Variants in RPS6KC1 observed in about 807,000 individuals in gnomAD.
RPS6KC1 encodes the protein ribosomal protein S6 kinase C1.
Under a neutral mutation model 103.8 loss-of-function variants are expected in RPS6KC1, and 54 were observed. That is an observed-to-expected ratio of 0.52 (90% CI 0.42 to 0.65). The LOEUF is 0.65. Among genes scored for constraint, RPS6KC1 ranks in the 30% least tolerant of loss-of-function variants. RPS6KC1 has a pLI of 0.00. For missense variants in RPS6KC1, 1,151 were observed against 1,253.8 expected (o/e 0.92, Z 1.24); for synonymous variants, 439 against 438.7 (o/e 1.00, Z -0.01).
the RPS6KC1 span, among the ~76,000 whole-genome samples, chr1:213,491,929 A>G: frequency 1.3e-5 from 2 of 152,122 alleles, no homozygotes; most frequent in Admixed American, 6.5e-5. Context: ...TGGAAACACT[A>G]TATATAAACT....
At chr1:213,057,752 CTTTTTTT>C (rs869259657) in intron 1 of RPS6KC1, among the ~76,000 whole-genome samples, 10 of 73,700 alleles carry the variant, frequency 1.4e-4, no homozygotes, top group East Asian at 4.9e-4. Flanking sequence ...TCTGAAGTAT[CTTTTTTT>C]TTTTTTTTTT....
At chr1:213,631,656 C>G in the RPS6KC1 span, among the ~76,000 whole-genome samples, 2 of 152,206 alleles carry the variant, frequency 1.3e-5, no homozygotes, top group South Asian at 4.1e-4. Context: ...CCAATTTAAT[C>G]TTCCACCAGT....
At chr1:213,565,057 T>G in the RPS6KC1 span, among the ~76,000 whole-genome samples, 2 of 152,206 alleles carry the variant, frequency 1.3e-5, no homozygotes, top group African/African-American at 4.8e-5. Context: ...ATGAAAAACA[T>G]TTAAATTAAA....
intron 8 of RPS6KC1, among the ~76,000 whole-genome samples, chr1:213,221,613 C>G (rs1286414617): frequency 6.6e-6 from 1 of 152,136 alleles, no homozygotes; most frequent in Non-Finnish European, 1.5e-5. Flanking sequence ...AATTAGCATA[C>G]TAAAACCTTT....
the RPS6KC1 span, among the ~76,000 whole-genome samples, chr1:213,576,540 A>G: frequency 2.0e-5 from 3 of 152,042 alleles, no homozygotes; most frequent in Non-Finnish European, 4.4e-5. Flanking sequence ...CAGTTTTGAT[A>G]TTACTATTGT....
At chr1:213,521,492 T>C in the RPS6KC1 span, among the ~76,000 whole-genome samples, 1 of 152,190 alleles carries the variant, frequency 6.6e-6, no homozygotes, top group Non-Finnish European at 1.5e-5. Flanking sequence ...CTTCGTAAGA[T>C]AAGGTAATAA....
the RPS6KC1 span, among the ~76,000 whole-genome samples, chr1:213,746,249 C>A: frequency 6.6e-6 from 1 of 152,226 alleles, no homozygotes; most frequent in Non-Finnish European, 1.5e-5. Flanking sequence ...GAATGCTCTA[C>A]AACTTGTCAG....
intron 10 of RPS6KC1, among the ~76,000 whole-genome samples, chr1:213,235,116 T>C (rs1427019271): frequency 6.6e-6 from 1 of 152,226 alleles, no homozygotes; most frequent in Non-Finnish European, 1.5e-5. Flanking sequence ...AAGCAAACCT[T>C]GAACAGTTGT....
At chr1:213,171,855 G>A (rs1340473381) in intron 7 of RPS6KC1, among the ~76,000 whole-genome samples, 1 of 152,150 alleles carries the variant, frequency 6.6e-6, no homozygotes, top group Non-Finnish European at 1.5e-5. Context: ...TAGATTGCCC[G>A]TGAAAGTCTT....
At chr1:213,537,461 T>C in the RPS6KC1 span, among the ~76,000 whole-genome samples, 1 of 152,206 alleles carries the variant, frequency 6.6e-6, no homozygotes, top group Non-Finnish European at 1.5e-5. Context: ...AGCCTCAGTT[T>C]ACTTGTTTGC....
chr1:213,542,766 T>G, the RPS6KC1 span, among the ~76,000 whole-genome samples: 1 of 152,236 alleles, frequency 6.6e-6, no homozygotes, highest in African/African-American at 2.4e-5. Context: ...TGTAGTAATT[T>G]TTAACACCAT....
chr1:213,486,738 A>T, the RPS6KC1 span, among the ~76,000 whole-genome samples: 1 of 152,230 alleles, frequency 6.6e-6, no homozygotes, highest in Non-Finnish European at 1.5e-5. Context: ...TAAACAATGT[A>T]TTGAGCTGCT....
chr1:213,154,266 A>T (rs942542690), intron 6 of RPS6KC1, among the ~76,000 whole-genome samples: 3 of 152,212 alleles, frequency 2.0e-5, no homozygotes, highest in African/African-American at 7.2e-5. Flanking sequence ...GCTACTGCCT[A>T]TGTTTGCTGA....
the RPS6KC1 span, among the ~76,000 whole-genome samples, chr1:213,359,754 A>C: frequency 6.6e-6 from 1 of 152,194 alleles, no homozygotes. Context: ...CAAGCCTGGT[A>C]GTGACAAAAT....
chr1:213,505,193 A>G, the RPS6KC1 span, among the ~76,000 whole-genome samples: 3 of 152,160 alleles, frequency 2.0e-5, no homozygotes, highest in African/African-American at 7.2e-5. Flanking sequence ...TCTCCAATTC[A>G]GGACTGATTC....
At chr1:213,056,769 A>G (rs1186433468) in intron 1 of RPS6KC1, among the ~76,000 whole-genome samples, 2 of 147,272 alleles carry the variant, frequency 1.4e-5, no homozygotes, top group East Asian at 4.0e-4. Context: ...GTTAGATGCT[A>G]TTTTCTCTGT....
At chr1:213,538,472 G>T in the RPS6KC1 span, among the ~76,000 whole-genome samples, 1 of 152,144 alleles carries the variant, frequency 6.6e-6, no homozygotes, top group Non-Finnish European at 1.5e-5. Flanking sequence ...GTGGCTGTGG[G>T]TGGTGTGTGT....
At chr1:213,090,597 T>G (rs1309900377) in intron 3 of RPS6KC1, among the ~76,000 whole-genome samples, 1 of 152,216 alleles carries the variant, frequency 6.6e-6, no homozygotes, top group East Asian at 1.9e-4. Flanking sequence ...CAATTTGAAA[T>G]AAACCTTTTC....
At chr1:213,275,831 C>T (rs2095111459), downstream of RPS6KC1, among the ~76,000 whole-genome samples, 1 of 152,176 alleles carries the variant, frequency 6.6e-6, no homozygotes, top group African/African-American at 2.4e-5. Context: ...TCCTGTCTAA[C>T]TGAAACTTTT....
Sources: allele counts gnomAD v4.1 joint callset (sites outside exome capture counted in the v4.1 genomes callset), GRCh38; gene constraint gnomAD v4.1.1; transcripts MANE v1.5; gene names NCBI Gene and HGNC (gene_info 2026-07-23, HGNC 2026-07-21).